The following PCDHGB2 variants were observed in gnomAD, a reference collection of about 807,000 sequenced individuals.
PCDHGB2 encodes protocadherin gamma subfamily B, 2.
A neutral mutation model predicts 59.3 loss-of-function variants in PCDHGB2; 55 were observed. That is an observed-to-expected ratio of 0.93 (90% CI 0.75 to 1.16). The LOEUF (loss-of-function observed/expected upper bound fraction) is 1.16. Ranked by LOEUF, PCDHGB2 falls within the 50% of genes most tolerant of loss-of-function variation. The pLI, the probability that PCDHGB2 is intolerant of heterozygous loss-of-function variation, is 0.00. For synonymous variants in PCDHGB2, 516 were observed against 512.0 expected (o/e 1.01, Z -0.11); for missense variants, 1,228 against 1,198.5 (o/e 1.02, Z -0.36).
At position 141,486,114 on chromosome 5, in the gene PCDHGB2, A is replaced by G; in HGVS notation, c.2422-8693A>G. On this transcript the variant is annotated intron_variant, in intron 1 of 3. Coordinates refer to ENST00000522605, the MANE Select transcript of PCDHGB2 (RefSeq NM_018923.3). This position sits in a 1 kb window ranked among gnomAD's most constrained non-coding sequence, Gnocchi z 5.0. ...GGGCCCCTAGACTTTGAGAGTGAGAATTACTATGAATTTGATGTGCGGGCT... is the reference window on the plus strand; with the variant it reads ...GGGCCCCTAGACTTTGAGAGTGAGAGTTACTATGAATTTGATGTGCGGGCT... 3 of 1,614,082 alleles carry G rather than the reference A, an allele frequency of 1.9e-6. No individual in the cohort carries two copies. Among genetic ancestry groups the G allele is most frequent in the South Asian group, 2.2e-5 (2 of 91,072 alleles).
At position 141,360,925 on chromosome 5, in the gene PCDHGB2, G is replaced by T; in HGVS notation, c.790G>T (p.Val264Leu). 6.2e-7 allele frequency: 1 copy of T among 1,614,018 alleles called. No individual in the cohort carries two copies. Among genetic ancestry groups the T allele is most frequent in the Non-Finnish European group, 8.5e-7 (1 of 1,179,906 alleles). ...GCCGCCGGGCTTCTTTGTGCTTCAA[G>T]TGACAGCCACCGACCGGGATGAAGG... The part of the protein sequence containing the change: ...DVPPGFFVLQ[V>L]TATDRDEGIN... Residue 264 changes from valine to leucine, a missense_variant, in exon 1 of 4, where the codon GTG becomes TTG. By Grantham distance (32) the Val-to-Leu change is conservative. Around this residue, in one of 3 missense-constraint regions of PCDHGB2, gnomAD observed 781 missense variants for 721.6 expected, o/e 1.08. Coordinates refer to ENST00000522605, the MANE Select transcript of PCDHGB2 (RefSeq NM_018923.3).
intron 1 of PCDHGB2, chr5:141,375,758 G>C (rs1473514742): frequency 1.2e-6 from 2 of 1,614,230 alleles, no homozygotes; most frequent in East Asian, 2.2e-5. Flanking sequence ...GAATGACAAT[G>C]CGCCCGAGAT....
intron 1 of PCDHGB2, chr5:141,365,210 C>A: frequency 1.2e-6 from 2 of 1,613,928 alleles, no homozygotes; most frequent in Non-Finnish European, 1.7e-6. Flanking sequence ...GACTTTCCAA[C>A]TTGATTCCAA....
Position 141,476,966 on chromosome 5 carries a change from G to T in PCDHGB2, c.2422-17841G>T, listed in dbSNP as rs780645226. The T allele has an allele frequency of 6.2e-7, 1 of 1,614,152 alleles. No homozygotes were observed. Among genetic ancestry groups the T allele is most frequent in the Admixed American group, 1.7e-5 (1 of 60,032 alleles). On this transcript the variant is annotated intron_variant, in intron 1 of 3. Coordinates refer to ENST00000522605, the MANE Select transcript of PCDHGB2 (RefSeq NM_018923.3). The surrounding 1 kb of genome is among the most constrained non-coding windows in gnomAD (Gnocchi z 7.6). Reference sequence around the variant, plus strand: ...CAACGGTGAAATTATTTACTCCTTCGGCAGCCACAACCGCGCCGGCGTGCG... The same window carrying T: ...CAACGGTGAAATTATTTACTCCTTCTGCAGCCACAACCGCGCCGGCGTGCG...
At chr5:141,426,963 C>G (rs1008659501) in intron 1 of PCDHGB2, 1 of 456,646 alleles carries the variant, frequency 2.2e-6, no homozygotes, top group African/African-American at 2.0e-5. Flanking sequence ...TGCTGCAATT[C>G]AAATTGAGGT....
chr5:141,398,597 C>A (rs986852077), intron 1 of PCDHGB2: 4 of 1,614,006 alleles, frequency 2.5e-6, no homozygotes, highest in Non-Finnish European at 3.4e-6. Flanking sequence ...CTAGAAGTAG[C>A]AGAAGATGCA....
intron 1 of PCDHGB2, chr5:141,383,974 GAC>G: frequency 6.2e-7 from 1 of 1,613,818 alleles, no homozygotes; most frequent in Non-Finnish European, 8.5e-7. Flanking sequence ...AATCCCTGAA[GAC>G]ACACCTCTTG....
Position 141,360,506 on chromosome 5 carries a change from A to C in PCDHGB2, c.371A>C (p.Gln124Pro), listed in dbSNP as rs771253042. The change falls in exon 1 of 4, where the codon CAG becomes CCG. Residue 124 changes from glutamine (Q) to proline (P), a missense_variant. Transcript: ENST00000522605. ...ATTTTCTACATAGCAGTAATTGTGC[A>C]GGATATAAATGATAATACCCCGCTA... ...LNIFYIAVIV[Q>P]DINDNTPLFK... 2 of 1,614,016 alleles carry C rather than the reference A, an allele frequency of 1.2e-6. No homozygotes were observed. The highest frequency in any genetic ancestry group is 1.1e-5 in the South Asian group (1 of 91,084).
chr5:141,361,683 G>T lies in PCDHGB2; in HGVS notation c.1548G>T (p.Ala516=), dbSNP rs1176018723. 5 of 1,613,592 alleles carry T rather than the reference G, an allele frequency of 3.1e-6. No individual in the cohort carries two copies. The South Asian group carries it at 5.5e-5, about 18-fold the overall frequency. ...SVSAQSGVVF[A]QRAFDHEQLR... ...GCGCGCAGAGCGGGGTGGTGTTCGC[G>T]CAGCGCGCCTTCGATCATGAGCAGC... is the stretch of plus-strand genomic sequence containing the variant. The change falls in exon 1 of 4, where the codon GCG becomes GCT. Residue 516 remains alanine, a synonymous_variant. Transcript: ENST00000522605.
rs1406362621 is a variant in PCDHGB2, at chr5:141,477,099, G to A, written c.2422-17708G>A. On this transcript the variant is annotated intron_variant, in intron 1 of 3. Transcript: ENST00000522605. This position sits in a 1 kb window ranked among gnomAD's most constrained non-coding sequence, Gnocchi z 4.9. ...ATTTACATCCAGGCCAAAGACAAGG[G>A]CGCCAATCCCGAAGGAGCACATTGC... The A allele has an allele frequency of 6.2e-7, 1 of 1,614,256 alleles. No individual in the cohort carries two copies. Among genetic ancestry groups the A allele is most frequent in the Non-Finnish European group, 8.5e-7 (1 of 1,180,054 alleles).
chr5:141,488,807 C>G (rs2099679535), intron 1 of PCDHGB2, among the ~76,000 whole-genome samples: 1 of 152,170 alleles, frequency 6.6e-6, no homozygotes, highest in Non-Finnish European at 1.5e-5. Flanking sequence ...TGAGTACCAT[C>G]TGAGCTGTCA....
Position 141,427,801 on chromosome 5 carries a change from G to T in PCDHGB2, c.2421+65245G>T, listed in dbSNP as rs755067099. On this transcript the variant is annotated intron_variant, in intron 1 of 3. Coordinates refer to ENST00000522605, the MANE Select transcript of PCDHGB2 (RefSeq NM_018923.3). ...GCACTGTCGTCCTACGTGTCCGTGA[G>T]CGCACAGAGCGGGGTGGTGGTCGCG... 6 of 1,510,138 alleles carry T rather than the reference G, an allele frequency of 4.0e-6. No homozygotes were observed. In the African/African-American group the frequency reaches 8.2e-5, roughly 21 times the overall value. 93.5% of individuals were successfully genotyped at this position (1,510,138 alleles called of 1,614,324 possible). A position where few individuals can be genotyped will look rare whatever the true frequency, so the allele number is the denominator to read the frequency against.
chr5:141,462,682 G>T (rs560423384), intron 1 of PCDHGB2, among the ~76,000 whole-genome samples: 2 of 151,790 alleles, frequency 1.3e-5, no homozygotes, highest in Non-Finnish European at 2.9e-5. Context: ...TTAAATTTTT[G>T]AGCACATTTA....
chr5:141,364,415 G>A (rs368621667), intron 1 of PCDHGB2: 1 of 1,613,082 alleles, frequency 6.2e-7, no homozygotes, highest in East Asian at 2.2e-5. Context: ...GCCAGGATCC[G>A]GGCAGATCCG....
chr5:141,432,766 C>G lies in PCDHGB2; in HGVS notation c.2422-62041C>G. On this transcript the variant is annotated intron_variant, in intron 1 of 3. Transcript: ENST00000522605. This position sits in a 1 kb window ranked among gnomAD's most constrained non-coding sequence, Gnocchi z 6.0. Reference sequence around the variant, plus strand: ...CCGTGGCCGTGGCCGACAGCATCCCCCAAGTCCTGGCGGACCTCGGCAGCC... The same window carrying G: ...CCGTGGCCGTGGCCGACAGCATCCCGCAAGTCCTGGCGGACCTCGGCAGCC... 6.2e-7 allele frequency: 1 copy of G among 1,614,160 alleles called. No individual in the cohort carries two copies. The highest frequency in any genetic ancestry group is 8.5e-7 in the Non-Finnish European group (1 of 1,179,994).
At chr5:141,464,411 A>G (rs1029342220) in intron 1 of PCDHGB2, among the ~76,000 whole-genome samples, 3 of 151,624 alleles carry the variant, frequency 2.0e-5, no homozygotes, top group Admixed American at 6.6e-5. Flanking sequence ...AGATATATAT[A>G]TATCTATATA....
chr5:141,453,201 C>T (rs115660512), intron 1 of PCDHGB2, among the ~76,000 whole-genome samples: 2,052 of 152,204 alleles, frequency 0.013, 46 homozygotes, highest in African/African-American at 0.048. Flanking sequence ...GCAGCCTCAA[C>T]CTCGTGCACT....
intron 1 of PCDHGB2, chr5:141,423,051 CCTG>C (rs771403541): frequency 2.5e-6 from 4 of 1,614,208 alleles, no homozygotes; most frequent in Admixed American, 1.7e-5. Flanking sequence ...TGTCCTATCG[CCTG>C]CTTAAGGCCA....
chr5:141,496,783 C>T (rs572860852), intron 2 of PCDHGB2, among the ~76,000 whole-genome samples: 1 of 152,162 alleles, frequency 6.6e-6, no homozygotes, highest in East Asian at 1.9e-4. Context: ...GAGCAGGGCC[C>T]TGTGCTAAAC....
Sources: gnomAD v4.1 joint callset for allele counts (sites outside exome capture counted in the v4.1 genomes callset) on GRCh38, gnomAD v4.1.1 for gene constraint, gnomAD v4.1.1 regional missense constraint, Gnocchi (gnomAD v3.1) non-coding constraint, MANE v1.5 for transcripts, NCBI Gene and HGNC (gene_info 2026-07-23, HGNC 2026-07-21) for gene names.